Variants in DRC10 observed in about 807,000 individuals in gnomAD.
DRC10 encodes IQ domain-containing protein D.
At chr12:113,200,429 G>A in the DRC10 span, 2 of 742,604 alleles carry the variant, frequency 2.7e-6, no homozygotes, top group East Asian at 2.7e-5. Context: ...CCCTGCTCCT[G>A]TGCCCTTCCC....
chr12:113,216,465 A>C, the DRC10 span, among the ~76,000 whole-genome samples: 2 of 152,186 alleles, frequency 1.3e-5, no homozygotes, highest in Admixed American at 6.5e-5. Flanking sequence ...ATCATTATAC[A>C]TTTGTCCAAA....
At chr12:113,197,406 G>A in the DRC10 span, 1 of 634,240 alleles carries the variant, frequency 1.6e-6, no homozygotes, top group Non-Finnish European at 2.8e-6. Context: ...TTTAAACAAA[G>A]GGAAGTGCTC....
the DRC10 span, chr12:113,197,554 A>ATC: frequency 6.1e-5 from 94 of 1,532,694 alleles, no homozygotes; most frequent in Non-Finnish European, 7.6e-5. Flanking sequence ...CTTCTCACCC[A>ATC]TCTCTGTATC....
the DRC10 span, chr12:113,195,743 C>T: frequency 6.2e-7 from 1 of 1,614,006 alleles, no homozygotes; most frequent in Non-Finnish European, 8.5e-7. Context: ...CCATCTCCTG[C>T]TCTGCCTCCA....
chr12:113,198,615 G>C, the DRC10 span, among the ~76,000 whole-genome samples: 27 of 152,244 alleles, frequency 1.8e-4, no homozygotes, highest in Middle Eastern at 3.4e-3. Context: ...TGATTGCCAG[G>C]GACAGGGGGA....
the DRC10 span, among the ~76,000 whole-genome samples, chr12:113,218,644 T>C: frequency 2.0e-5 from 3 of 151,876 alleles, 1 homozygote; most frequent in South Asian, 4.1e-4. Context: ...GGTCTCACTT[T>C]GTTACCAGGC....
At chr12:113,206,807 C>G in the DRC10 span, among the ~76,000 whole-genome samples, 1 of 151,770 alleles carries the variant, frequency 6.6e-6, no homozygotes. Context: ...TGCCTGTAAC[C>G]CCAGCACTTT....
chr12:113,198,400 T>C, the DRC10 span, among the ~76,000 whole-genome samples: 2 of 152,140 alleles, frequency 1.3e-5, no homozygotes, highest in Non-Finnish European at 2.9e-5. Flanking sequence ...GTGATTTAGA[T>C]GCAGTGGAGG....
the DRC10 span, among the ~76,000 whole-genome samples, chr12:113,220,575 A>G: frequency 1.4e-4 from 21 of 152,156 alleles, no homozygotes; most frequent in Non-Finnish European, 2.8e-4. Context: ...AACAACAACA[A>G]AACAAACAAA....
chr12:113,206,876 G>A, the DRC10 span, among the ~76,000 whole-genome samples: 13 of 152,088 alleles, frequency 8.5e-5, no homozygotes, highest in African/African-American at 1.4e-4. Flanking sequence ...CCTGGGCAAC[G>A]TAGCAAGAGC....
At chr12:113,218,172 C>T in the DRC10 span, among the ~76,000 whole-genome samples, 1 of 149,084 alleles carries the variant, frequency 6.7e-6, no homozygotes, top group Admixed American at 6.7e-5. Flanking sequence ...GTTTTGCTCT[C>T]GTTTCCCAGG....
chr12:113,196,534 C>T, the DRC10 span, among the ~76,000 whole-genome samples: 1 of 152,168 alleles, frequency 6.6e-6, no homozygotes, highest in African/African-American at 2.4e-5. Flanking sequence ...GGACAAAGTC[C>T]CTGCCCGCAA....
chr12:113,196,438 C>A, the DRC10 span, among the ~76,000 whole-genome samples: 1 of 152,204 alleles, frequency 6.6e-6, no homozygotes, highest in African/African-American at 2.4e-5. Context: ...CTCCTGCTGT[C>A]ATTTACACCC....
the DRC10 span, among the ~76,000 whole-genome samples, chr12:113,215,504 G>T: frequency 1.3e-5 from 2 of 152,156 alleles, no homozygotes; most frequent in Non-Finnish European, 2.9e-5. Flanking sequence ...CAAAACAGAA[G>T]CAGTTTTTAC....
chr12:113,195,495 G>T, the DRC10 span: 1 of 1,477,022 alleles, frequency 6.8e-7, no homozygotes, highest in South Asian at 1.4e-5. Context: ...TGAAAGCCGT[G>T]AATTTAGTGC....
the DRC10 span, among the ~76,000 whole-genome samples, chr12:113,218,747 A>C: frequency 3.3e-5 from 5 of 152,032 alleles, no homozygotes; most frequent in Non-Finnish European, 7.4e-5. Context: ...TGGGCCAAAA[A>C]CCCTCAACTT....
chr12:113,205,367 T>C, the DRC10 span, among the ~76,000 whole-genome samples: 1 of 151,558 alleles, frequency 6.6e-6, no homozygotes, highest in Non-Finnish European at 1.5e-5. Flanking sequence ...ACCCCATCTC[T>C]ACTAAAAATA....
chr12:113,195,846 ATCT>A, the DRC10 span: 178 of 1,613,162 alleles, frequency 1.1e-4, no homozygotes, highest in Middle Eastern at 9.9e-4. Flanking sequence ...CTCCAGCGAG[ATCT>A]TCTCCTCCCT....
At chr12:113,203,533 T>C in the DRC10 span, among the ~76,000 whole-genome samples, 76 of 146,936 alleles carry the variant, frequency 5.2e-4, 1 homozygote, top group Non-Finnish European at 5.8e-4. Context: ...TGGAGTATGA[T>C]GGTGCAATCT....
Sources: gnomAD v4.1 joint callset for allele counts (sites outside exome capture counted in the v4.1 genomes callset) on GRCh38, gnomAD v4.1.1 for gene constraint, MANE v1.5 for transcripts, NCBI Gene and HGNC (gene_info 2026-07-23, HGNC 2026-07-21) for gene names.